STAT3: variants seen among roughly 807,000 people sequenced by gnomAD.
The protein encoded by STAT3 is signal transducer and activator of transcription 3.
Under a neutral mutation model 114.3 loss-of-function variants are expected in STAT3, and 7 were observed. That is an observed-to-expected ratio of 0.06 (90% CI 0.03 to 0.11). The LOEUF (loss-of-function observed/expected upper bound fraction) is 0.11. Ranked by LOEUF, STAT3 falls within the 10% of genes least tolerant of loss-of-function variation. The pLI, the probability that STAT3 is intolerant of heterozygous loss-of-function variation, is 1.00. For missense variants in STAT3, 364 were observed against 960.9 expected, an observed-to-expected ratio of 0.38 and a Z score of 8.21; for synonymous variants, 331 against 354.5, an observed-to-expected ratio of 0.93 and a Z score of 0.74.
intron 1 of STAT3, among the ~76,000 whole-genome samples, chr17:42,350,186 G>A (rs933934785): frequency 2.0e-5 from 3 of 152,154 alleles, no homozygotes; most frequent in Admixed American, 6.6e-5. Context: ...CTGAACACAC[G>A]CAAACATACT....
chr17:42,358,695 G>A (rs764767357), intron 1 of STAT3, among the ~76,000 whole-genome samples: 15 of 152,116 alleles, frequency 9.9e-5, no homozygotes, highest in African/African-American at 3.1e-4. Context: ...ATGGGCCTGG[G>A]TGCAAAACCC....
At chr17:42,348,567 C>T in intron 1 of STAT3, 28 bp from the exon 2 acceptor site, 1 of 1,611,336 alleles carries the variant, frequency 6.2e-7, no homozygotes, top group Non-Finnish European at 8.5e-7. Context: ...CATATGTTCA[C>T]CACAAGTCCC....
At chr17:42,358,499 T>C (rs2083338877) in intron 1 of STAT3, among the ~76,000 whole-genome samples, 1 of 152,178 alleles carries the variant, frequency 6.6e-6, no homozygotes, top group African/African-American at 2.4e-5. Flanking sequence ...CAGTTGATTG[T>C]TAAAGCTGCC....
chr17:42,330,088 T>C (rs1176003762), intron 11 of STAT3, among the ~76,000 whole-genome samples: 1 of 152,116 alleles, frequency 6.6e-6, no homozygotes, highest in East Asian at 1.9e-4. Context: ...TTACATCAAC[T>C]AAAAATAAGA....
At chr17:42,388,191 C>T in intron 1 of STAT3, 88 bp downstream of exon 1, 1 of 1,219,632 alleles carries the variant, frequency 8.2e-7, no homozygotes, top group Non-Finnish European at 1.0e-6. Flanking sequence ...TCCATCACAA[C>T]ATCCCCAAGG....
chr17:42,318,617 T>C (rs912113385), intron 21 of STAT3, among the ~76,000 whole-genome samples: 1 of 152,160 alleles, frequency 6.6e-6, no homozygotes, highest in Non-Finnish European at 1.5e-5. Flanking sequence ...TTGGGGATAC[T>C]GGCATGAAAT....
intron 1 of STAT3, among the ~76,000 whole-genome samples, chr17:42,378,043 T>C (rs1705896366): frequency 7.1e-6 from 1 of 141,638 alleles, no homozygotes; most frequent in South Asian, 2.2e-4. Context: ...TGGAGTGCAA[T>C]GGCGCGATCT....
intron 8 of STAT3, among the ~76,000 whole-genome samples, chr17:42,335,964 A>G (rs556772660): frequency 1.2e-4 from 18 of 152,242 alleles, no homozygotes; most frequent in Non-Finnish European, 2.2e-4. Context: ...CAGAAAGTGA[A>G]AGGAGAGGGA....
chr17:42,352,888 T>C (rs1291123308), intron 1 of STAT3, among the ~76,000 whole-genome samples: 1 of 152,190 alleles, frequency 6.6e-6, no homozygotes, highest in African/African-American at 2.4e-5. Flanking sequence ...ATGCTGTCAA[T>C]ATAAAATACA....
At chr17:42,338,921 G>A in intron 5 of STAT3, 109 bp from the exon 6 acceptor site, 13 of 990,358 alleles carry the variant, frequency 1.3e-5, no homozygotes, top group Non-Finnish European at 2.0e-5. Flanking sequence ...CCTCAAAAAA[G>A]ATACATGCAG....
chr17:42,348,369 G>C lies in STAT3; in HGVS notation c.128+20C>G. On this transcript the variant is annotated intron_variant, in intron 2 of 23. Coordinates refer to ENST00000264657, the MANE Select transcript of STAT3 (RefSeq NM_139276.3). ...AAACTGAAACCTAACAATTTGGAGA[G>C]TCACTTAAGAAGGACTTACCAATCT... 1 of 1,613,950 alleles carries C rather than the reference G, an allele frequency of 6.2e-7. No individual in the cohort carries two copies. The highest frequency in any genetic ancestry group is 8.5e-7 in the Non-Finnish European group (1 of 1,179,974).
At chr17:42,323,388 CT>C in intron 18 of STAT3, 34 bp from the exon 19 acceptor site, 1 of 1,609,778 alleles carries the variant, frequency 6.2e-7, no homozygotes, top group South Asian at 1.1e-5. Context: ...GCCAAGTCTA[CT>C]GCCATCCCAG....
At chr17:42,351,763 T>C (rs1355465598) in intron 1 of STAT3, among the ~76,000 whole-genome samples, 1 of 151,886 alleles carries the variant, frequency 6.6e-6, no homozygotes, top group African/African-American at 2.4e-5. Context: ...ATTCCAACAA[T>C]GTTATTTTGT....
intron 15 of STAT3, 21 bp downstream of exon 15, chr17:42,326,095 C>T (rs1225673271): frequency 1.1e-5 from 18 of 1,612,102 alleles, no homozygotes; most frequent in South Asian, 4.4e-5. Context: ...AGCCTCTCAC[C>T]GATTCTGCTG....
chr17:42,329,299 C>T (rs2081884752), intron 14 of STAT3, 111 bp downstream of exon 14: 2 of 1,513,752 alleles, frequency 1.3e-6, no homozygotes, highest in South Asian at 1.1e-5. Context: ...GGAATAACTA[C>T]AGCTGAAAGA....
At chr17:42,334,235 T>A (rs1208609258) in intron 8 of STAT3, among the ~76,000 whole-genome samples, 186 bp from the exon 9 acceptor site, 2 of 152,052 alleles carry the variant, frequency 1.3e-5, no homozygotes, top group African/African-American at 4.8e-5. Context: ...TTCAGTGACA[T>A]TAAGAAAAGA....
At chr17:42,355,903 G>A (rs1341451614) in intron 1 of STAT3, among the ~76,000 whole-genome samples, 1 of 152,164 alleles carries the variant, frequency 6.6e-6, no homozygotes, top group Non-Finnish European at 1.5e-5. Context: ...AGGGAAGGCG[G>A]AAAGAGAGAC....
At chr17:42,365,814 C>T (rs1233487681) in intron 1 of STAT3, among the ~76,000 whole-genome samples, 1 of 151,768 alleles carries the variant, frequency 6.6e-6, no homozygotes, top group Admixed American at 6.6e-5. Context: ...CGGTACAACG[C>T]CTGGCTAATT....
Position 42,337,781 on chromosome 17 carries a change from C to T in STAT3, c.627G>A (p.Ala209=), listed in dbSNP as rs759225787. 2.7e-5 allele frequency: 43 copies of T among 1,614,116 alleles called. No homozygotes were observed. Among genetic ancestry groups the T allele is most frequent in the Admixed American group, 5.0e-5 (3 of 60,008 alleles). Residue 209 remains alanine (A), a synonymous_variant, in exon 7 of 24, where the codon GCG becomes GCA. Coordinates refer to ENST00000264657, the MANE Select transcript of STAT3 (RefSeq NM_139276.3). The surrounding 1 kb of genome is among the most constrained non-coding windows in gnomAD (Gnocchi z 4.0). ...CCCTTACTCTCCGCATCTGGTCCAG[C>T]GCAGTGAGCATCTGTTCCAGCTGCT... is the stretch of plus-strand genomic sequence containing the variant. ...KMQQLEQMLT[A]LDQMRRSIVS... is the part of the protein sequence containing the mutation.
Sources: allele counts gnomAD v4.1 joint callset (sites outside exome capture counted in the v4.1 genomes callset), GRCh38; gene constraint gnomAD v4.1.1; non-coding constraint Gnocchi (gnomAD v3.1); transcripts MANE v1.5; gene names NCBI Gene and HGNC (gene_info 2026-07-23, HGNC 2026-07-21).